DAB1: variants seen among roughly 807,000 people sequenced by gnomAD.
DAB1 encodes disabled homolog 1.
In DAB1, 15 loss-of-function variants were observed where a neutral mutation model predicts 64.6. That is an observed-to-expected ratio of 0.23 (90% CI 0.16 to 0.36). The LOEUF (loss-of-function observed/expected upper bound fraction) is 0.36, where lower values mean the gene tolerates loss of function less well. Among genes scored for constraint, DAB1 ranks in the 10% least tolerant of loss-of-function variants. The pLI is 1.00. For synonymous variants in DAB1, 235 were observed against 251.9 expected (o/e 0.93, Z 0.64); for missense variants, 596 against 706.7 (o/e 0.84, Z 1.78).
At chr1:57,190,971 C>T (rs544426611) in intron 2 of DAB1, among the ~76,000 whole-genome samples, 1 of 152,268 alleles carries the variant, frequency 6.6e-6, no homozygotes, top group South Asian at 2.1e-4. Context: ...AGGTAAAGTC[C>T]CATAACTTAC....
intron 5 of DAB1, among the ~76,000 whole-genome samples, chr1:57,991,436 CCT>C (rs1261039852): frequency 3.9e-5 from 6 of 152,218 alleles, no homozygotes; most frequent in South Asian, 2.1e-4. Flanking sequence ...GGCTCCTGCC[CCT>C]GAGTCACCTC....
At chr1:58,225,412 C>T (rs1385266801) in intron 4 of DAB1, among the ~76,000 whole-genome samples, 3 of 151,868 alleles carry the variant, frequency 2.0e-5, no homozygotes, top group Non-Finnish European at 4.4e-5. Flanking sequence ...GGCGATTCCT[C>T]AGGGATCTAG....
chr1:57,220,946 AC>A (rs1666818331), intron 2 of DAB1, among the ~76,000 whole-genome samples: 1 of 152,216 alleles, frequency 6.6e-6, no homozygotes, highest in African/African-American at 2.4e-5. Flanking sequence ...ACACATGCAC[AC>A]GTATGTTTAT....
intron 3 of DAB1, among the ~76,000 whole-genome samples, chr1:58,494,871 G>A (rs531933540): frequency 1.1e-4 from 17 of 152,276 alleles, no homozygotes; most frequent in African/African-American, 4.1e-4. Flanking sequence ...CGATTCCTCA[G>A]GGATCTAGAA....
intron 2 of DAB1, among the ~76,000 whole-genome samples, chr1:57,245,874 G>A (rs975055698): frequency 2.6e-5 from 4 of 152,164 alleles, no homozygotes; most frequent in African/African-American, 9.7e-5. Context: ...TTCCACAATG[G>A]TTGAACTAAT....
chr1:57,228,109 A>G (rs1247198988), intron 2 of DAB1, among the ~76,000 whole-genome samples: 3 of 152,194 alleles, frequency 2.0e-5, no homozygotes, highest in Non-Finnish European at 2.9e-5. Flanking sequence ...AGTGCCTATA[A>G]TAGGGCCTGG....
intron 1 of DAB1, among the ~76,000 whole-genome samples, chr1:57,312,161 G>A (rs1674770003): frequency 6.6e-6 from 1 of 152,164 alleles, no homozygotes; most frequent in Admixed American, 6.5e-5. Context: ...CACGACCCCA[G>A]CCCTTAACTT....
chr1:57,338,803 T>C (rs144505946), intron 1 of DAB1, among the ~76,000 whole-genome samples: 57 of 152,338 alleles, frequency 3.7e-4, no homozygotes, highest in African/African-American at 1.3e-3. Context: ...CCAAGTCATC[T>C]TGGCTCTGTT....
chr1:57,856,857 G>C lies in DAB1; in HGVS notation n.87+27142C>G, dbSNP rs138384383. Reference sequence around the variant, plus strand: ...TGGGGATGTGTTCAACAGATGGCTGGACCTATGGGGATGTGAATGATACAC... The same window carrying C: ...TGGGGATGTGTTCAACAGATGGCTGCACCTATGGGGATGTGAATGATACAC... On this transcript the variant is annotated intron_variant and non_coding_transcript_variant, in intron 1 of 1. Coordinates refer to the DAB1 transcript ENST00000477280. 2.0e-4 allele frequency among the ~76,000 whole-genome samples: 30 copies of C among 152,282 alleles called. No individual in the cohort carries two copies. In the Middle Eastern group the frequency reaches 0.01, roughly 52 times the overall value.
rs1645324718 is a variant in DAB1, at chr1:57,582,428, C to A, written n.625+67164G>T. ...TGATCCAATCACCTCCCACCAGGTC[C>A]CTCCCTTGACACGTGGGGATTACAA... is the stretch of plus-strand genomic sequence containing the variant. On this transcript the variant is annotated intron_variant and non_coding_transcript_variant, in intron 7 of 20. Transcript: ENST00000485760. 2.0e-5 allele frequency among the ~76,000 whole-genome samples: 3 copies of A among 152,156 alleles called. No individual in the cohort carries two copies. In the South Asian group the frequency reaches 6.2e-4, roughly 31 times the overall value.
At chr1:57,600,505 A>G (rs749900233) in intron 7 of DAB1, among the ~76,000 whole-genome samples, 1 of 152,174 alleles carries the variant, frequency 6.6e-6, no homozygotes, top group Non-Finnish European at 1.5e-5. Context: ...ACCATAGCCA[A>G]TGCTGCTTGT....
chr1:57,037,923 T>TCTGTG (rs1647237967), intron 9 of DAB1, among the ~76,000 whole-genome samples: 1 of 152,220 alleles, frequency 6.6e-6, no homozygotes, highest in African/African-American at 2.4e-5. Flanking sequence ...AAGTTCTCTA[T>TCTGTG]CTGTGCTGTC....
At chr1:57,868,320 T>C (rs1348067282) in intron 1 of DAB1, among the ~76,000 whole-genome samples, 1 of 152,160 alleles carries the variant, frequency 6.6e-6, no homozygotes, top group Non-Finnish European at 1.5e-5. Flanking sequence ...TGTAACAAAA[T>C]TGCTTAAGCA....
chr1:58,403,272 A>G (rs1436235062), intron 3 of DAB1, among the ~76,000 whole-genome samples: 1 of 150,034 alleles, frequency 6.7e-6, no homozygotes, highest in Non-Finnish European at 1.5e-5. Flanking sequence ...TAAGCTAACC[A>G]AAATAGTTAT....
At chr1:57,553,447 A>AGG (rs1490933199) in intron 7 of DAB1, among the ~76,000 whole-genome samples, 69 of 118,740 alleles carry the variant, frequency 5.8e-4, no homozygotes, top group Admixed American at 1.3e-3. Flanking sequence ...AGAAAGAGAA[A>AGG]GAAAGAAAGA....
chr1:58,229,838 T>C (rs1659693723), intron 4 of DAB1, among the ~76,000 whole-genome samples: 1 of 152,202 alleles, frequency 6.6e-6, no homozygotes, highest in Non-Finnish European at 1.5e-5. Context: ...CAAAGCTTGC[T>C]CTTAACCACT....
Position 57,214,727 on chromosome 1 carries a change from G to A in DAB1, c.68-69298C>T, listed in dbSNP as rs573908608. Among the ~76,000 whole-genome samples the A allele has an allele frequency of 9.9e-5, 15 of 151,886 alleles. 1 individual carries two copies. Among genetic ancestry groups the A allele is most frequent in the African/African-American group, 3.6e-4 (15 of 41,428 alleles). On this transcript the variant is annotated intron_variant, in intron 2 of 14. Coordinates refer to ENST00000371236, the MANE Select transcript of DAB1 (RefSeq NM_001365792.1). ...AGATCGAGACCATCCTGGCTAACATGGTGAAACCCTGTCTTTACTAAAAAT... is the reference window on the plus strand; with the variant it reads ...AGATCGAGACCATCCTGGCTAACATAGTGAAACCCTGTCTTTACTAAAAAT...
chr1:57,344,661 T>G (rs1011223241), intron 1 of DAB1, among the ~76,000 whole-genome samples: 2 of 151,998 alleles, frequency 1.3e-5, no homozygotes, highest in Non-Finnish European at 2.9e-5. Context: ...ATGATGGCAC[T>G]GTACACTGAT....
intron 5 of DAB1, among the ~76,000 whole-genome samples, chr1:57,985,601 TA>T (rs1454932194): frequency 1.8e-4 from 27 of 151,634 alleles, no homozygotes; most frequent in Non-Finnish European, 3.4e-4. Context: ...GAGAAAAATA[TA>T]AAGTTTCCAA....
Sources: gnomAD v4.1 joint callset for allele counts (sites outside exome capture counted in the v4.1 genomes callset) on GRCh38, gnomAD v4.1.1 for gene constraint, MANE v1.5 for transcripts, NCBI Gene and HGNC (gene_info 2026-07-23, HGNC 2026-07-21) for gene names.